Variants in SUMF1 observed in about 807,000 individuals in gnomAD.
The protein encoded by SUMF1 is formylglycine-generating enzyme.
SUMF1 carries 48 observed loss-of-function variants against 47.6 expected under a neutral mutation model. That is an observed-to-expected ratio of 1.01 (90% CI 0.80 to 1.28). The LOEUF is 1.28. Ranked by LOEUF, SUMF1 falls within the 50% of genes most tolerant of loss-of-function variation. The pLI is 0.00. For synonymous variants in SUMF1, 230 were observed against 192.1 expected (o/e 1.20, Z -1.63); for missense variants, 571 against 485.4 (o/e 1.18, Z -1.66).
chr3:4,283,502 A>T (rs1357605476), intron 8 of SUMF1, among the ~76,000 whole-genome samples: 4 of 151,148 alleles, frequency 2.6e-5, no homozygotes, highest in African/African-American at 9.7e-5. Context: ...CTTTGTTAAA[A>T]TTCAAATAAG....
chr3:4,080,380 A>T (rs1692533796), intron 8 of SUMF1, among the ~76,000 whole-genome samples: 1 of 152,100 alleles, frequency 6.6e-6, no homozygotes, highest in Admixed American at 6.5e-5. Context: ...CCAAGCTGGT[A>T]TTGAGGTGCA....
intron 7 of SUMF1, among the ~76,000 whole-genome samples, chr3:4,384,794 G>C (rs1391935746): frequency 6.6e-6 from 1 of 152,132 alleles, no homozygotes; most frequent in African/African-American, 2.4e-5. Flanking sequence ...GCTATGTACA[G>C]GTTTTTGTAT....
rs1040208371 is a variant in SUMF1 at position 4,460,519 on chromosome 3, T to C, written c.270+6457A>G. 5.9e-5 allele frequency among the ~76,000 whole-genome samples: 9 copies of C among 151,876 alleles called. No individual in the cohort carries two copies. The East Asian group carries it at 1.7e-3, about 29-fold the overall frequency. Reference sequence around the variant, plus strand: ...AACCACTTTGTCTCTTGGTAAATATTGTCATGGTTCAAGGATCAGCTCCTC... The same window carrying C: ...AACCACTTTGTCTCTTGGTAAATATCGTCATGGTTCAAGGATCAGCTCCTC... On this transcript the variant is annotated intron_variant, in intron 1 of 8. Coordinates refer to ENST00000272902, the MANE Select transcript of SUMF1 (RefSeq NM_182760.4).
At chr3:4,299,672 T>C (rs1475271463) in intron 8 of SUMF1, among the ~76,000 whole-genome samples, 1 of 152,114 alleles carries the variant, frequency 6.6e-6, no homozygotes, top group East Asian at 1.9e-4. Flanking sequence ...TAGCTGGGTG[T>C]GGTGGCACAC....
chr3:4,235,128 G>C (rs900955711), intron 8 of SUMF1, among the ~76,000 whole-genome samples: 1 of 152,148 alleles, frequency 6.6e-6, no homozygotes, highest in Admixed American at 6.6e-5. Context: ...GGCTGGACAA[G>C]AGCAACAGCA....
chr3:4,131,621 G>C (rs1041122767), intron 8 of SUMF1, among the ~76,000 whole-genome samples: 4 of 152,164 alleles, frequency 2.6e-5, no homozygotes, highest in African/African-American at 9.7e-5. Flanking sequence ...ATGGGCTGTA[G>C]CTAATGGTTT....
At chr3:4,232,099 A>G (rs570963481) in intron 8 of SUMF1, among the ~76,000 whole-genome samples, 9 of 152,254 alleles carry the variant, frequency 5.9e-5, no homozygotes, top group African/African-American at 1.7e-4. Flanking sequence ...TTAGGTAACC[A>G]GACTCAGCAT....
chr3:4,193,920 A>C (rs576141888), intron 8 of SUMF1, among the ~76,000 whole-genome samples: 20 of 152,190 alleles, frequency 1.3e-4, no homozygotes, highest in Admixed American at 1.3e-3. Flanking sequence ...ACATGTAAGA[A>C]TGAATATTCA....
chr3:4,108,619 C>T (rs1693214433), intron 8 of SUMF1, among the ~76,000 whole-genome samples: 1 of 152,058 alleles, frequency 6.6e-6, no homozygotes, highest in African/African-American at 2.4e-5. Context: ...ATATTGGGTG[C>T]ATATATATTT....
chr3:4,360,728 T>C (rs192079796), downstream of SUMF1, among the ~76,000 whole-genome samples: 7 of 152,328 alleles, frequency 4.6e-5, no homozygotes, highest in East Asian at 1.3e-3. Context: ...TGAATATTAT[T>C]TGATTTAAAC....
At chr3:4,252,997 T>C (rs986653162) in intron 8 of SUMF1, among the ~76,000 whole-genome samples, 8 of 152,254 alleles carry the variant, frequency 5.3e-5, no homozygotes, top group African/African-American at 1.7e-4. Context: ...TAGCTTTCAA[T>C]GCAGTTTATC....
At chr3:4,346,968 C>A (rs1242180987) in intron 8 of SUMF1, among the ~76,000 whole-genome samples, 1 of 152,106 alleles carries the variant, frequency 6.6e-6, no homozygotes, top group African/African-American at 2.4e-5. Flanking sequence ...ATACACCCAA[C>A]CAAAACTAAA....
intron 9 of SUMF1, among the ~76,000 whole-genome samples, chr3:4,040,955 A>G (rs537314714): frequency 6.6e-6 from 1 of 152,308 alleles, no homozygotes; most frequent in Admixed American, 6.5e-5. Context: ...TCATTTATTC[A>G]GTTTTCAGGA....
At chr3:4,151,358 AAT>A (rs1243755949) in intron 8 of SUMF1, among the ~76,000 whole-genome samples, 12 of 146,072 alleles carry the variant, frequency 8.2e-5, no homozygotes, top group African/African-American at 2.0e-4. Context: ...ATACATACAC[AAT>A]ATATATATAT....
At chr3:4,441,193 A>G (rs1008333733) in intron 3 of SUMF1, among the ~76,000 whole-genome samples, 32 of 152,300 alleles carry the variant, frequency 2.1e-4, no homozygotes, top group African/African-American at 6.7e-4. Flanking sequence ...CAGTAGCGGC[A>G]TTAGATCCTC....
At chr3:4,205,600 T>C (rs1051151883) in intron 8 of SUMF1, among the ~76,000 whole-genome samples, 9 of 152,194 alleles carry the variant, frequency 5.9e-5, no homozygotes, top group Admixed American at 3.9e-4. Context: ...TCGAGTGTTG[T>C]AATTTAAGTC....
At chr3:4,262,510 G>A (rs1472196273) in intron 8 of SUMF1, among the ~76,000 whole-genome samples, 2 of 152,110 alleles carry the variant, frequency 1.3e-5, no homozygotes, top group African/African-American at 4.8e-5. Flanking sequence ...GGCATGGCTG[G>A]TGCACAAGCA....
intron 8 of SUMF1, among the ~76,000 whole-genome samples, chr3:4,132,943 G>C (rs1693826616): frequency 6.6e-6 from 1 of 152,056 alleles, no homozygotes; most frequent in African/African-American, 2.4e-5. Flanking sequence ...ACGACAAATG[G>C]CCCACACCCT....
intron 8 of SUMF1, among the ~76,000 whole-genome samples, chr3:4,147,255 G>A (rs1026338753): frequency 5.3e-5 from 8 of 152,080 alleles, no homozygotes; most frequent in Non-Finnish European, 7.4e-5. Flanking sequence ...AAGTCAGTGT[G>A]GCGATTCCTC....
Sources: allele counts gnomAD v4.1 joint callset (sites outside exome capture counted in the v4.1 genomes callset), GRCh38; gene constraint gnomAD v4.1.1; transcripts MANE v1.5; gene names NCBI Gene and HGNC (gene_info 2026-07-23, HGNC 2026-07-21).